Variants in PARD3 observed in about 807,000 individuals in gnomAD.
The protein encoded by PARD3 is par-3 family cell polarity regulator, also known as partitioning defective 3 homolog.
A neutral mutation model predicts 155.4 loss-of-function variants in PARD3; 75 were observed. The ratio of observed to expected loss-of-function variants is 0.48; its 90% confidence interval spans 0.40 to 0.58. The LOEUF is 0.58. PARD3 is among the 20% of genes least tolerant of loss of function. The pLI is 0.00. For missense variants in PARD3, 1,642 were observed against 1,721.7 expected (o/e 0.95, Z 0.82); for synonymous variants, 576 against 610.5 (o/e 0.94, Z 0.83).
intron 15 of PARD3, chr10:34,344,251 C>G (rs1837139446): frequency 2.0e-6 from 2 of 979,600 alleles, no homozygotes; most frequent in South Asian, 9.5e-5. Context: ...ATCCCTGTTG[C>G]TGGTTTTTTT....
chr10:34,386,287 T>G (rs1842339355), intron 7 of PARD3, among the ~76,000 whole-genome samples: 1 of 152,196 alleles, frequency 6.6e-6, no homozygotes, highest in Admixed American at 6.5e-5. Flanking sequence ...CTTATTATCA[T>G]TTATTGCAGC....
intron 2 of PARD3, among the ~76,000 whole-genome samples, chr10:34,586,740 G>T (rs1287644257): frequency 6.6e-6 from 1 of 152,158 alleles, no homozygotes; most frequent in African/African-American, 2.4e-5. Context: ...CTGAGGTTAG[G>T]AGTTTGAGAC....
chr10:34,493,441 T>G (rs139849191), intron 3 of PARD3, among the ~76,000 whole-genome samples: 1 of 152,110 alleles, frequency 6.6e-6, no homozygotes, highest in Admixed American at 6.6e-5. Flanking sequence ...TATTAAAAAT[T>G]ATAATACAGG....
At chr10:34,809,428 G>A (rs1361493904) in intron 1 of PARD3, among the ~76,000 whole-genome samples, 4 of 152,170 alleles carry the variant, frequency 2.6e-5, no homozygotes, top group Non-Finnish European at 4.4e-5. Flanking sequence ...GCTACACCCA[G>A]GACGTCCCCA....
chr10:34,343,673 C>T (rs915367762), intron 15 of PARD3: 5 of 984,886 alleles, frequency 5.1e-6, no homozygotes, highest in Admixed American at 1.2e-4. Context: ...CTAAGCTGCA[C>T]CTAGACAATA....
intron 2 of PARD3, among the ~76,000 whole-genome samples, chr10:34,571,147 C>CA (rs2086362295): frequency 6.6e-6 from 1 of 151,996 alleles, no homozygotes; most frequent in Admixed American, 6.6e-5. Flanking sequence ...CCTATCTCTA[C>CA]AAAAAATTGT....
chr10:34,242,734 G>C (rs903600793), intron 22 of PARD3, among the ~76,000 whole-genome samples: 3 of 152,136 alleles, frequency 2.0e-5, no homozygotes, highest in Non-Finnish European at 2.9e-5. Context: ...AGGAGTTCGA[G>C]ACCAGCCTGA....
At chr10:34,285,396 C>T (rs1011662994) in intron 20 of PARD3, among the ~76,000 whole-genome samples, 4 of 151,846 alleles carry the variant, frequency 2.6e-5, no homozygotes, top group South Asian at 2.1e-4. Flanking sequence ...GGCAACATAG[C>T]GAGACCTCGT....
intron 2 of PARD3, among the ~76,000 whole-genome samples, chr10:34,659,083 T>A (rs1011124351): frequency 6.6e-6 from 1 of 152,192 alleles, no homozygotes; most frequent in African/African-American, 2.4e-5. Flanking sequence ...CAGTACTGGC[T>A]TGGTACACAC....
At chr10:34,470,823 T>C (rs900090924) in intron 3 of PARD3, among the ~76,000 whole-genome samples, 4 of 152,252 alleles carry the variant, frequency 2.6e-5, no homozygotes, top group Non-Finnish European at 4.4e-5. Context: ...AGAATCTATA[T>C]AGTTAACAAA....
chr10:34,516,110 A>G (rs570040853), intron 3 of PARD3, among the ~76,000 whole-genome samples: 3 of 152,006 alleles, frequency 2.0e-5, no homozygotes, highest in African/African-American at 4.8e-5. Context: ...GATTACAGGC[A>G]ACCGCCACCA....
intron 24 of PARD3, among the ~76,000 whole-genome samples, chr10:34,117,444 G>A (rs1446038561): frequency 2.0e-5 from 3 of 152,254 alleles, no homozygotes; most frequent in Non-Finnish European, 4.4e-5. Flanking sequence ...GGGCAGTGGG[G>A]AGGGGGCAGG....
At chr10:34,737,138 G>C (rs2094929986) in intron 1 of PARD3, among the ~76,000 whole-genome samples, 1 of 152,214 alleles carries the variant, frequency 6.6e-6, no homozygotes, top group Non-Finnish European at 1.5e-5. Context: ...GGGGGACGGA[G>C]AGAAGCAGGG....
In PARD3 at chr10:34,735,383, T is replaced by C. The variant is rs1433083339; in HGVS notation, c.121-38964A>G. ...GTTATGATAGGTTCATATGACAAGA[T>C]ATTATGGAATATGCAATAACGATTA... On this transcript the variant is annotated intron_variant, in intron 1 of 24. Transcript: ENST00000374788. Among the ~76,000 whole-genome samples, 9 of 152,324 alleles carry C rather than the reference T, an allele frequency of 5.9e-5. No homozygotes were observed. The East Asian group carries it at 1.5e-3, about 26-fold the overall frequency.
At chr10:34,397,544 G>C (rs983660236) in intron 7 of PARD3, among the ~76,000 whole-genome samples, 19 of 152,264 alleles carry the variant, frequency 1.2e-4, no homozygotes, top group African/African-American at 4.3e-4. Flanking sequence ...AATCTGTTTG[G>C]TGTATCAAAA....
intron 22 of PARD3, among the ~76,000 whole-genome samples, chr10:34,179,436 C>A (rs1950177001): frequency 6.6e-6 from 1 of 152,196 alleles, no homozygotes. Flanking sequence ...CTGAGTGTTT[C>A]AGTGGAGGAA....
intron 3 of PARD3, among the ~76,000 whole-genome samples, chr10:34,514,395 G>A (rs2081579873): frequency 6.6e-6 from 1 of 152,138 alleles, no homozygotes; most frequent in Non-Finnish European, 1.5e-5. Context: ...CTCAACCCAG[G>A]ACTCACCACC....
chr10:34,617,349 G>A (rs532571294), intron 2 of PARD3, among the ~76,000 whole-genome samples: 3 of 152,294 alleles, frequency 2.0e-5, no homozygotes, highest in East Asian at 3.9e-4. Flanking sequence ...GGGAAGGTAG[G>A]AAGAGATTGG....
intron 1 of PARD3, among the ~76,000 whole-genome samples, chr10:34,776,023 G>A (rs142844287): frequency 2.6e-5 from 4 of 152,218 alleles, no homozygotes; most frequent in South Asian, 4.1e-4. Flanking sequence ...TCAGGAGTTC[G>A]AGATCAGCCT....
Sources: gnomAD v4.1 joint callset for allele counts (sites outside exome capture counted in the v4.1 genomes callset) on GRCh38, gnomAD v4.1.1 for gene constraint, MANE v1.5 for transcripts, NCBI Gene and HGNC (gene_info 2026-07-23, HGNC 2026-07-21) for gene names.